Variants in EYS observed in about 807,000 individuals in gnomAD.
The protein encoded by EYS is EGF-like photoreceptor maintenance factor.
A neutral mutation model predicts 282.1 loss-of-function variants in EYS; 250 were observed. That is an observed-to-expected ratio of 0.89 (90% CI 0.80 to 0.98). The LOEUF (loss-of-function observed/expected upper bound fraction) is 0.98, where lower values mean the gene tolerates loss of function less well. EYS is among the 50% of genes least tolerant of loss of function. EYS has a pLI of 0.00. For synonymous variants in EYS, 1,355 were observed against 1,282.9 expected (o/e 1.06, Z -1.20); for missense variants, 4,016 against 3,709.0 (o/e 1.08, Z -2.15).
intron 1 of EYS, among the ~76,000 whole-genome samples, chr6:65,658,817 A>C (rs1178368109): frequency 6.6e-6 from 1 of 151,714 alleles, no homozygotes; most frequent in Non-Finnish European, 1.5e-5. Context: ...CACACTGGCA[A>C]ATCATATTGT....
At chr6:64,346,263 T>C (rs1448993078) in intron 29 of EYS, among the ~76,000 whole-genome samples, 1 of 152,098 alleles carries the variant, frequency 6.6e-6, no homozygotes, top group Non-Finnish European at 1.5e-5. Context: ...GTATGTTTAT[T>C]GTGGCACTAT....
intron 19 of EYS, among the ~76,000 whole-genome samples, chr6:64,864,780 A>G (rs1766369302): frequency 6.6e-6 from 1 of 151,870 alleles, no homozygotes. Flanking sequence ...TCACGTCTGT[A>G]ATCCCAGCAC....
intron 22 of EYS, among the ~76,000 whole-genome samples, chr6:64,634,805 C>A (rs766612559): frequency 2.4e-4 from 37 of 152,156 alleles, no homozygotes; most frequent in Non-Finnish European, 4.9e-4. Context: ...CTATATTCCA[C>A]TTTTAAGAAC....
At chr6:63,740,276 G>A (rs557728970) in intron 41 of EYS, among the ~76,000 whole-genome samples, 3 of 152,238 alleles carry the variant, frequency 2.0e-5, no homozygotes, top group African/African-American at 7.2e-5. Context: ...TAGTGAATAA[G>A]TCTCACGAGA....
chr6:64,384,022 C>G lies in EYS; in HGVS notation c.6078+4668G>C, dbSNP rs1230888313. On this transcript the variant is annotated intron_variant, in intron 29 of 42. Transcript: ENST00000503581. ...TACAGATAACTGAAGTGGTTTCTTT[C>G]TTCATTTGTTTTTCAGGAATCTCTC... Among the ~76,000 whole-genome samples, 3 of 152,144 alleles carry G rather than the reference C, an allele frequency of 2.0e-5. No individual in the cohort carries two copies. In the East Asian group the frequency reaches 5.8e-4, roughly 29 times the overall value.
chr6:65,484,019 T>G (rs1429734737), intron 5 of EYS, among the ~76,000 whole-genome samples: 1 of 152,096 alleles, frequency 6.6e-6, no homozygotes, highest in African/African-American at 2.4e-5. Context: ...AAGATGAGAT[T>G]TGGGTGGGGA....
chr6:64,475,742 TAA>T (rs68076531), intron 26 of EYS, among the ~76,000 whole-genome samples: 3,055 of 151,878 alleles, frequency 0.02, 36 homozygotes, highest in Middle Eastern at 0.041. Context: ...GTAAAAGGAA[TAA>T]AAAAAAATCA....
At chr6:64,916,929 A>G (rs1424906306) in intron 15 of EYS, among the ~76,000 whole-genome samples, 1 of 152,228 alleles carries the variant, frequency 6.6e-6, no homozygotes, top group East Asian at 1.9e-4. Flanking sequence ...ATAGAAAATA[A>G]AGTAGTTATC....
chr6:64,922,450 A>G (rs540638585), intron 15 of EYS, among the ~76,000 whole-genome samples: 58 of 152,378 alleles, frequency 3.8e-4, no homozygotes, highest in Middle Eastern at 3.4e-3. Flanking sequence ...CAGACATCTT[A>G]TATAAGTATT....
intron 28 of EYS, among the ~76,000 whole-genome samples, chr6:64,399,868 T>C: frequency 6.6e-6 from 1 of 151,878 alleles, no homozygotes; most frequent in East Asian, 1.9e-4. Flanking sequence ...TCTGACTTTT[T>C]AATCGGAGCT....
intron 19 of EYS, among the ~76,000 whole-genome samples, chr6:64,836,017 A>G (rs917565877): frequency 6.6e-6 from 1 of 151,624 alleles, no homozygotes; most frequent in African/African-American, 2.4e-5. Context: ...AACATATTAA[A>G]ATGTTTTAAG....
chr6:63,983,672 T>C (rs968035058), intron 35 of EYS, among the ~76,000 whole-genome samples: 13 of 151,812 alleles, frequency 8.6e-5, no homozygotes, highest in African/African-American at 2.9e-4. Context: ...ACTTGAATTA[T>C]TGTAAGTTGT....
At chr6:64,313,108 A>C (rs1769789629) in intron 29 of EYS, among the ~76,000 whole-genome samples, 1 of 152,232 alleles carries the variant, frequency 6.6e-6, no homozygotes, top group Non-Finnish European at 1.5e-5. Context: ...ATGTCCTAAC[A>C]CAATGCAAGG....
intron 29 of EYS, among the ~76,000 whole-genome samples, chr6:64,364,608 G>T (rs1415875717): frequency 6.6e-6 from 1 of 151,856 alleles, no homozygotes; most frequent in Middle Eastern, 3.2e-3. Flanking sequence ...CCTTTAAAAT[G>T]TATCTAATTA....
intron 30 of EYS, among the ~76,000 whole-genome samples, chr6:64,278,955 T>G (rs1768210730): frequency 6.6e-6 from 1 of 152,140 alleles, no homozygotes; most frequent in Non-Finnish European, 1.5e-5. Flanking sequence ...GGACTTGTTA[T>G]GTTGCCCAGG....
chr6:65,174,777 C>A (rs972142698), intron 12 of EYS, among the ~76,000 whole-genome samples: 7 of 151,134 alleles, frequency 4.6e-5, no homozygotes, highest in African/African-American at 1.7e-4. Context: ...AAGATGAGCA[C>A]TGGAAATTTT....
At chr6:65,013,546 C>T (rs1193348111) in intron 13 of EYS, among the ~76,000 whole-genome samples, 1 of 152,108 alleles carries the variant, frequency 6.6e-6, no homozygotes, top group African/African-American at 2.4e-5. Context: ...AGATCCCCAC[C>T]ACTAGTGTAC....
chr6:65,664,221 T>C (rs1768124087), intron 1 of EYS, among the ~76,000 whole-genome samples: 1 of 151,986 alleles, frequency 6.6e-6, no homozygotes, highest in African/African-American at 2.4e-5. Flanking sequence ...ATAATAATAG[T>C]GAAAGAACCA....
chr6:64,165,052 A>G (rs1279176487), intron 31 of EYS, among the ~76,000 whole-genome samples: 1 of 152,140 alleles, frequency 6.6e-6, no homozygotes, highest in African/African-American at 2.4e-5. Context: ...TCTAGTAAAA[A>G]TGACGAATGG....
Sources: allele counts gnomAD v4.1 joint callset (sites outside exome capture counted in the v4.1 genomes callset), GRCh38; gene constraint gnomAD v4.1.1; transcripts MANE v1.5; gene names NCBI Gene and HGNC (gene_info 2026-07-23, HGNC 2026-07-21).